The following NOTCH1 variants were observed in gnomAD, a reference collection of about 807,000 sequenced individuals.
NOTCH1 encodes neurogenic locus notch homolog protein 1.
NOTCH1 carries 37 observed loss-of-function variants against 254.8 expected under a neutral mutation model. The observed-to-expected ratio is 0.15, with a 90% CI of 0.11 to 0.19. The LOEUF is 0.19. Ranked by LOEUF, NOTCH1 falls within the 10% of genes least tolerant of loss-of-function variation. The pLI, the probability that NOTCH1 is intolerant of heterozygous loss-of-function variation, is 1.00. For synonymous variants in NOTCH1, 1,731 were observed against 1,618.1 expected (o/e 1.07, Z -1.68); for missense variants, 2,972 against 3,708.6 (o/e 0.80, Z 5.16).
intron 20 of NOTCH1, 41 bp from the exon 21 acceptor site, chr9:136,508,180 A>C (rs1293021070): frequency 6.2e-7 from 1 of 1,608,934 alleles, no homozygotes; most frequent in Admixed American, 1.7e-5. Context: ...GCCCAGGCCC[A>C]CAGAGGACCT....
intron 2 of NOTCH1, among the ~76,000 whole-genome samples, chr9:136,528,896 C>G (rs1843516328): frequency 6.6e-6 from 1 of 152,156 alleles, no homozygotes; most frequent in African/African-American, 2.4e-5. Flanking sequence ...GTGGCCACGT[C>G]CTGCAGGAGC....
rs774711621 is a variant in NOTCH1, at chr9:136,509,760, T to C, written c.2942A>G (p.Glu981Gly). The C allele has an allele frequency of 1.2e-6, 2 of 1,613,026 alleles. No individual in the cohort carries two copies. The highest frequency in any genetic ancestry group is 2.2e-5 in the South Asian group (2 of 91,084). The change falls in exon 18 of 34, where the codon GAG (glutamate) becomes GGG (glycine). Residue 981 changes from glutamate to glycine, a missense_variant. Transcript: ENST00000651671. Reference protein sequence around the residue: ...CPAGFSGIHCENNTPDCTESS... With the variant: ...CPAGFSGIHCGNNTPDCTESS... ...CTCTGTGCAGTCAGGCGTGTTGTTC[T>C]CACAGTGGATCCCGCTGAAGCCTGC...
At chr9:136,512,982 G>GGCCCCC in intron 15 of NOTCH1, 39 bp downstream of exon 15, 2 of 663,498 alleles carry the variant, frequency 3.0e-6, no homozygotes, top group Admixed American at 2.4e-5. Context: ...TCCCACATAG[G>GGCCCCC]CCCCGCCCCC....
rs2133342311 is a variant in NOTCH1 at position 136,506,516 on chromosome 9, C to T, written c.4014+11G>A. 1 of 1,578,784 alleles carries T rather than the reference C, an allele frequency of 6.3e-7. No homozygotes were observed. The highest frequency in any genetic ancestry group is 8.6e-7 in the Non-Finnish European group (1 of 1,163,476). On this transcript the variant is annotated intron_variant, in intron 24 of 33. Coordinates refer to ENST00000651671, the MANE Select transcript of NOTCH1 (RefSeq NM_017617.5). This position sits in a 1 kb window ranked among gnomAD's most constrained non-coding sequence, Gnocchi z 4.5. ...TGGCGGGCCCCTGCCTCCCTGCACCCCTGCACCTACCGCAGGGCACTTGCA... is the reference window on the plus strand; with the variant it reads ...TGGCGGGCCCCTGCCTCCCTGCACCTCTGCACCTACCGCAGGGCACTTGCA...
Position 136,505,312 on chromosome 9 carries a change from G to A in NOTCH1, c.4584C>T (p.Cys1528=), listed in dbSNP as rs2133338462. The change falls in exon 25 of 34, where the codon TGC becomes TGT. Residue 1528 remains cysteine (C), a splice_region_variant and synonymous_variant. Transcript: ENST00000651671. ...CCCCATGAGCCCCGCAGCCTTACTT[G>A]CACTGGCCTTCCGCACGCTGGCAGT... ...GFDCQRAEGQ[C]NPLYDQYCKD... is the part of the protein sequence containing the mutation. 6.4e-7 allele frequency: 1 copy of A among 1,571,098 alleles called. No homozygotes were observed. Among genetic ancestry groups the A allele is most frequent in the Non-Finnish European group, 8.6e-7 (1 of 1,158,538 alleles).
At position 136,503,185 on chromosome 9, in the gene NOTCH1, G is replaced by T. The variant is rs2133333098; in HGVS notation, c.5164C>A (p.Gln1722Lys). ...CCCGGGATGGGGCCACACTTACTCTGCACGGCCTCGATCTTGTAGGGGATG... is the reference window on the plus strand; with the variant it reads ...CCCGGGATGGGGCCACACTTACTCTTCACGGCCTCGATCTTGTAGGGGATG... Reference protein sequence around the residue: ...LNIPYKIEAVQSETVEPPPPA... With the variant: ...LNIPYKIEAVKSETVEPPPPA... The change falls in exon 27 of 34, where the codon CAG (glutamine) becomes AAG (lysine). Residue 1722 changes from glutamine to lysine, a missense_variant. Around this residue, in one of 8 missense-constraint regions of NOTCH1, gnomAD observed 421 missense variants for 604.4 expected, o/e 0.70. Coordinates refer to ENST00000651671, the MANE Select transcript of NOTCH1 (RefSeq NM_017617.5). The T allele has an allele frequency of 6.2e-7, 1 of 1,612,758 alleles. No homozygotes were observed.
Position 136,527,751 on chromosome 9 carries a change from C to G in NOTCH1, c.141-3772G>C, listed in dbSNP as rs1843488228. ...CCCGGCACCTGCCTGTCCCATCCCC[C>G]ACGCTCAGTGGCCTGGCGGCGCTGG... is the stretch of plus-strand genomic sequence containing the variant. On this transcript the variant is annotated intron_variant, in intron 2 of 33. Coordinates refer to ENST00000651671, the MANE Select transcript of NOTCH1 (RefSeq NM_017617.5). Among the ~76,000 whole-genome samples the G allele has an allele frequency of 3.3e-5, 5 of 152,334 alleles. No individual in the cohort carries two copies. The South Asian group carries it at 1.0e-3, about 32-fold the overall frequency.
At chr9:136,501,347 T>C (rs1408347462) in intron 30 of NOTCH1, among the ~76,000 whole-genome samples, 5 of 151,428 alleles carry the variant, frequency 3.3e-5, no homozygotes, top group Non-Finnish European at 4.4e-5. Context: ...GGCAGGAGAA[T>C]TGCTTGAACC....
At chr9:136,522,225 C>T (rs1397469044) in intron 4 of NOTCH1, among the ~76,000 whole-genome samples, 2 of 152,206 alleles carry the variant, frequency 1.3e-5, no homozygotes, top group South Asian at 4.1e-4. Context: ...GATCTGCCCA[C>T]CTCGGCCTCC....
Position 136,513,327 on chromosome 9 carries a change from CTG to C in NOTCH1, c.2353+63_2353+64del. ...TGCTGGCTGGACCTGGGTCCCGATC[CTG>C]TGTCTCCAGCTCCCCAGACTCGAGG... On this transcript the variant is annotated intron_variant, in intron 14 of 33. Transcript: ENST00000651671. This position sits in a 1 kb window ranked among gnomAD's most constrained non-coding sequence, Gnocchi z 4.7. The C allele has an allele frequency of 6.2e-7, 1 of 1,608,430 alleles. No homozygotes were observed. Among genetic ancestry groups the C allele is most frequent in the South Asian group, 1.1e-5 (1 of 90,832 alleles).
At position 136,523,878 on chromosome 9, in the gene NOTCH1, C is replaced by T. The variant is rs749152413; in HGVS notation, c.242G>A (p.Gly81Asp). ...ACAGCTGCAGGCATAGTCTGCCACG[C>T]CTCTGCGGTCCACCACGTGGCATGT... Reference protein sequence around the residue: ...AGTCHVVDRRGVADYACSCAL... With the variant: ...AGTCHVVDRRDVADYACSCAL... The change falls in exon 3 of 34, where the codon GGC becomes GAC. Residue 81 changes from glycine to aspartate, a missense_variant. Physicochemically the swap from Gly to Asp is moderately conservative, Grantham distance 94. Transcript: ENST00000651671. 5.0e-6 allele frequency: 8 copies of T among 1,610,142 alleles called. No individual in the cohort carries two copies. Among genetic ancestry groups the T allele is most frequent in the African/African-American group, 1.3e-5 (1 of 74,906 alleles).
Position 136,507,346 on chromosome 9 carries a change from A to G in NOTCH1, c.3602T>C (p.Leu1201Pro), listed in dbSNP as rs2133345112. 6.2e-7 allele frequency: 1 copy of G among 1,612,816 alleles called. No homozygotes were observed. The highest frequency in any genetic ancestry group is 8.5e-7 in the Non-Finnish European group (1 of 1,179,910). ...PCQNGGTCLD[L>P]PNTYKCSCPR... ...GCAGGAGCACTTGTAGGTGTTGGGGAGGTCGAGGCAGGTGCCCCCGTTCTG... is the reference window on the plus strand; with the variant it reads ...GCAGGAGCACTTGTAGGTGTTGGGGGGGTCGAGGCAGGTGCCCCCGTTCTG... Residue 1201 changes from leucine to proline, a missense_variant, in exon 22 of 34, where the codon CTC (leucine) becomes CCC (proline). Physicochemically the swap from Leu to Pro is moderately conservative, Grantham distance 98 (BLOSUM62 -3). Coordinates refer to ENST00000651671, the MANE Select transcript of NOTCH1 (RefSeq NM_017617.5).
chr9:136,501,706 G>A (rs1842997367), intron 30 of NOTCH1, 42 bp downstream of exon 30: 1 of 1,604,340 alleles, frequency 6.2e-7, no homozygotes, highest in East Asian at 2.2e-5. Flanking sequence ...AGAGGCAGGT[G>A]GGCCACGGGG....
At chr9:136,510,077 G>A (rs1843154791) in intron 17 of NOTCH1, 116 bp from the exon 18 acceptor site, 2 of 963,772 alleles carry the variant, frequency 2.1e-6, no homozygotes, top group East Asian at 5.1e-5. Flanking sequence ...CGAGGCTGCG[G>A]CAAGCAGCCC....
chr9:136,526,190 C>G (rs1212906740), intron 2 of NOTCH1, among the ~76,000 whole-genome samples: 1 of 152,230 alleles, frequency 6.6e-6, no homozygotes, highest in Non-Finnish European at 1.5e-5. Flanking sequence ...ACAGGCTGGC[C>G]GGTCCCCGAG....
At position 136,546,003 on chromosome 9, in the gene NOTCH1, C is replaced by T. The variant is rs1415539172; in HGVS notation, c.-217G>A. ...CTGCGCTCGCGCCCGCGCCCGCGCC[C>T]CGCGCCCCGCGCCCTTGCGCTCCCT... On this transcript the variant is annotated 5_prime_UTR_variant, in exon 1 of 34. Transcript: ENST00000651671. Among the ~76,000 whole-genome samples the T allele has an allele frequency of 3.4e-5, 5 of 149,036 alleles. No individual in the cohort carries two copies. Among genetic ancestry groups the T allele is most frequent in the Non-Finnish European group, 7.5e-5 (5 of 66,808 alleles).
At chr9:136,507,186 C>T (rs1843102108) in intron 22 of NOTCH1, 119 bp downstream of exon 22, 2 of 1,568,062 alleles carry the variant, frequency 1.3e-6, no homozygotes, top group Admixed American at 1.7e-5. Flanking sequence ...TGGCCTCACA[C>T]AGGAAAATGG....
At chr9:136,503,380 C>A (rs373237685) in intron 26 of NOTCH1, 50 bp from the exon 27 acceptor site, 4 of 1,610,958 alleles carry the variant, frequency 2.5e-6, no homozygotes, top group African/African-American at 1.3e-5. Flanking sequence ...CCTCCTCCCC[C>A]GCCCACCGGC....
In NOTCH1 at chr9:136,540,071, G is replaced by A. The variant is rs566646844; in HGVS notation, c.140+3953C>T. Among the ~76,000 whole-genome samples, 4 of 152,300 alleles carry A rather than the reference G, an allele frequency of 2.6e-5. No individual in the cohort carries two copies. The highest frequency in any genetic ancestry group is 1.9e-4 in the East Asian group (1 of 5,188). ...GCTGTGTGACCCTGGGGCTGATGGC[G>A]ACTTCTCTGGGTCTCTTCTTCTCAC... On this transcript the variant is annotated intron_variant, in intron 2 of 33. Coordinates refer to ENST00000651671, the MANE Select transcript of NOTCH1 (RefSeq NM_017617.5). The surrounding 1 kb of genome is among the most constrained non-coding windows in gnomAD (Gnocchi z 4.4).
Sources: gnomAD v4.1 joint callset for allele counts (sites outside exome capture counted in the v4.1 genomes callset) on GRCh38, gnomAD v4.1.1 for gene constraint, gnomAD v4.1.1 regional missense constraint, Gnocchi (gnomAD v3.1) non-coding constraint, MANE v1.5 for transcripts, NCBI Gene and HGNC (gene_info 2026-07-23, HGNC 2026-07-21) for gene names.